The following ITGB6 variants were observed in gnomAD, a reference collection of about 807,000 sequenced individuals.
ITGB6 encodes integrin beta-6.
ITGB6 carries 80 observed loss-of-function variants against 84.5 expected under a neutral mutation model. That is an observed-to-expected ratio of 0.95 (90% CI 0.79 to 1.14). The LOEUF (loss-of-function observed/expected upper bound fraction) is 1.14. Ranked by LOEUF, ITGB6 falls within the 50% of genes most tolerant of loss-of-function variation. The probability of loss-of-function intolerance (pLI) is 0.00; values close to 1 mark genes in which losing one functional copy is unlikely to be tolerated. For missense variants in ITGB6, 1,006 were observed against 968.0 expected (o/e 1.04, Z -0.52); for synonymous variants, 383 against 354.9 (o/e 1.08, Z -0.89).
intron 12 of ITGB6, among the ~76,000 whole-genome samples, chr2:160,123,357 T>C (rs1160292117): frequency 6.6e-6 from 1 of 152,156 alleles, no homozygotes; most frequent in Admixed American, 6.5e-5. Flanking sequence ...CCACCCAGTA[T>C]CTTGGAGCCA....
Position 160,118,223 on chromosome 2 carries a change from T to C in ITGB6, c.1981+5568A>G, listed in dbSNP as rs145646174. Among the ~76,000 whole-genome samples the C allele has an allele frequency of 0.013, 1,955 of 152,272 alleles. 220 individuals are homozygous for C. The East Asian group carries it at 0.26, about 20-fold the overall frequency. On this transcript the variant is annotated intron_variant, in intron 12 of 14. Transcript: ENST00000283249. ...AGAGAAACAACAAAAAAAGAGAATT[T>C]TAAACAAATATCCTTGACGAACATT...
chr2:160,157,696 A>T (rs1469624541), intron 7 of ITGB6, among the ~76,000 whole-genome samples: 1 of 149,826 alleles, frequency 6.7e-6, no homozygotes, highest in Non-Finnish European at 1.5e-5. Flanking sequence ...TGACTTTCAA[A>T]GTCAAAGGCT....
intron 12 of ITGB6, among the ~76,000 whole-genome samples, chr2:160,119,779 C>G (rs1164467966): frequency 1.3e-5 from 2 of 151,760 alleles, no homozygotes; most frequent in African/African-American, 4.8e-5. Context: ...TGACAAAGGG[C>G]TAATATCCAG....
chr2:160,172,796 A>G, intron 5 of ITGB6, 66 bp from the exon 6 acceptor site: 13 of 1,292,366 alleles, frequency 1.0e-5, no homozygotes, highest in Non-Finnish European at 1.4e-5. Flanking sequence ...GTGTGGATCA[A>G]TTATGCTTGG....
At chr2:160,180,372 C>T (rs1049861608) in intron 4 of ITGB6, among the ~76,000 whole-genome samples, 1 of 152,168 alleles carries the variant, frequency 6.6e-6, no homozygotes, top group Non-Finnish European at 1.5e-5. Flanking sequence ...GACTCAAACT[C>T]CAGGGCTTAA....
chr2:160,197,465 C>T (rs1376194035), intron 2 of ITGB6, among the ~76,000 whole-genome samples: 4 of 152,136 alleles, frequency 2.6e-5, no homozygotes, highest in South Asian at 4.2e-4. Flanking sequence ...ACCTGATAGG[C>T]GTGGCTGCTT....
chr2:160,158,223 CA>C (rs1684698533), intron 7 of ITGB6, among the ~76,000 whole-genome samples: 1 of 152,176 alleles, frequency 6.6e-6, no homozygotes, highest in East Asian at 1.9e-4. Context: ...AAGTCTGCCC[CA>C]GCAATGACTA....
In ITGB6 at chr2:160,199,999, T is replaced by G; in HGVS notation, c.61+4A>C. 1 of 1,611,472 alleles carries G rather than the reference T, an allele frequency of 6.2e-7. No individual in the cohort carries two copies. Among genetic ancestry groups the G allele is most frequent in the Non-Finnish European group, 8.5e-7 (1 of 1,177,854 alleles). On this transcript the variant is annotated splice_donor_region_variant and intron_variant, in intron 1 of 14. Coordinates refer to ENST00000283249, the MANE Select transcript of ITGB6 (RefSeq NM_000888.5). ...AGTAATATATCAGAGAACGCAGGTC[T>G]TACCTTGTACGTGATCATTCCTTCC...
intron 8 of ITGB6, 70 bp from the exon 9 acceptor site, chr2:160,138,269 A>G (rs764755474): frequency 7.5e-5 from 107 of 1,417,394 alleles, no homozygotes; most frequent in Middle Eastern, 1.9e-4. Context: ...AGAAACCGTG[A>G]ATCATGTTCA....
intron 12 of ITGB6, among the ~76,000 whole-genome samples, chr2:160,117,854 A>G (rs1009513348): frequency 6.6e-6 from 1 of 152,250 alleles, no homozygotes; most frequent in Non-Finnish European, 1.5e-5. Context: ...TCCCACAGAA[A>G]TACAAACTAC....
chr2:160,195,572 G>A lies in ITGB6; in HGVS notation c.390C>T (p.Asp130=). The A allele has an allele frequency of 6.2e-7, 1 of 1,614,142 alleles. No homozygotes were observed. The highest frequency in any genetic ancestry group is 1.1e-5 in the South Asian group (1 of 91,078). The change falls in exon 4 of 15, where the codon GAC becomes GAT. Residue 130 remains aspartate, a synonymous_variant. Coordinates refer to ENST00000283249, the MANE Select transcript of ITGB6 (RefSeq NM_000888.5). ...TGAGGTAATACAAATCCACCGGGTA[G>A]TCCTCAGTCTGGCGGACATGCACCT... ...TLQVHVRQTE[D]YPVDLYYLMD...
In ITGB6 at chr2:160,184,223, G is replaced by T. The variant is rs184602322; in HGVS notation, c.594-10084C>A. ...TTTTGAAAAGATTAACAAAATAGAT[G>T]ACCACTAGCCAGAATAATAAAGAAG... On this transcript the variant is annotated intron_variant, in intron 4 of 14. Transcript: ENST00000283249. 3.7e-3 allele frequency among the ~76,000 whole-genome samples: 555 copies of T among 151,934 alleles called. 4 individuals are homozygous for T. Among genetic ancestry groups the T allele is most frequent in the African/African-American group, 0.013 (519 of 41,454 alleles).
intron 14 of ITGB6, among the ~76,000 whole-genome samples, chr2:160,103,609 G>A (rs774004073): frequency 3.3e-5 from 5 of 152,144 alleles, no homozygotes; most frequent in Non-Finnish European, 7.4e-5. Flanking sequence ...TTTAGATGTA[G>A]ATGGAGTCTC....
intron 8 of ITGB6, among the ~76,000 whole-genome samples, chr2:160,139,343 A>C (rs554027023): frequency 6.6e-6 from 1 of 152,188 alleles, no homozygotes; most frequent in East Asian, 1.9e-4. Context: ...ATTTTTTAAA[A>C]ATTTGTTTTA....
intron 7 of ITGB6, among the ~76,000 whole-genome samples, chr2:160,155,465 A>C (rs866821316): frequency 3.3e-5 from 5 of 152,318 alleles, no homozygotes; most frequent in Middle Eastern, 3.4e-3. Flanking sequence ...TTGGGTGATA[A>C]TGATGTATCA....
chr2:160,195,066 A>C (rs762496774), intron 4 of ITGB6, among the ~76,000 whole-genome samples: 2 of 152,224 alleles, frequency 1.3e-5, no homozygotes, highest in African/African-American at 2.4e-5. Flanking sequence ...GGCACCATCC[A>C]GTGGAGCCTA....
At chr2:160,177,537 C>G (rs1685477250) in intron 4 of ITGB6, among the ~76,000 whole-genome samples, 1 of 151,314 alleles carries the variant, frequency 6.6e-6, no homozygotes, top group South Asian at 2.1e-4. Flanking sequence ...TGCCACTGCA[C>G]TCCAGCCTGG....
intron 4 of ITGB6, among the ~76,000 whole-genome samples, chr2:160,193,882 C>T (rs1202591625): frequency 6.6e-6 from 1 of 152,190 alleles, no homozygotes; most frequent in African/African-American, 2.4e-5. Flanking sequence ...ATTGACTGGG[C>T]GCGGTGGCTC....
chr2:160,168,144 G>T (rs947437458), intron 7 of ITGB6, among the ~76,000 whole-genome samples: 9 of 152,168 alleles, frequency 5.9e-5, no homozygotes, highest in African/African-American at 2.2e-4. Context: ...GAACTTCCTT[G>T]GTTTGCAGCA....
Sources: allele counts gnomAD v4.1 joint callset (sites outside exome capture counted in the v4.1 genomes callset), GRCh38; gene constraint gnomAD v4.1.1; transcripts MANE v1.5; gene names NCBI Gene and HGNC (gene_info 2026-07-23, HGNC 2026-07-21).